The following SLC11A1 variants were observed in gnomAD, a reference collection of about 807,000 sequenced individuals.
SLC11A1 encodes natural resistance-associated macrophage protein 1.
A neutral mutation model predicts 63.2 loss-of-function variants in SLC11A1; 59 were observed. The ratio of observed to expected loss-of-function variants is 0.93; its 90% CI spans 0.76 to 1.16. The LOEUF is 1.16. Ranked by LOEUF, SLC11A1 falls within the 50% of genes most tolerant of loss-of-function variation. SLC11A1 has a pLI of 0.00. For missense variants in SLC11A1, 688 were observed against 730.7 expected, an observed-to-expected ratio of 0.94 and a Z score of 0.67; for synonymous variants, 305 against 307.8, an observed-to-expected ratio of 0.99 and a Z score of 0.09.
Position 218,387,886 on chromosome 2 carries a change from G to A in SLC11A1, c.726G>A (p.Leu242=), listed in dbSNP as rs1696196860. The change falls in exon 8 of 15, where the codon CTG becomes CTA. Residue 242 remains leucine, a synonymous_variant. Coordinates refer to ENST00000233202, the MANE Select transcript of SLC11A1 (RefSeq NM_000578.4). ...SCPGCGHPEL[L]QAVGIVGAII... ...CGGGCTGCGGCCACCCCGAGCTGCTGCAGGCGGTGGGCATTGTTGGCGCCA... is the reference window on the plus strand; with the variant it reads ...CGGGCTGCGGCCACCCCGAGCTGCTACAGGCGGTGGGCATTGTTGGCGCCA... The A allele has an allele frequency of 1.2e-6, 2 of 1,604,576 alleles. No homozygotes were observed. The highest frequency in any genetic ancestry group is 1.3e-5 in the African/African-American group (1 of 74,832).
At position 218,382,329 on chromosome 2, in the gene SLC11A1, C is replaced by G; in HGVS notation, c.-40C>G. On this transcript the variant is annotated 5_prime_UTR_variant, in exon 1 of 15. Transcript: ENST00000233202. ...GTGCAGGCTGAGGAGCTGCCCAGAG[C>G]ACCGCTCACACTCCCAGAGTACCTG... is the stretch of plus-strand genomic sequence containing the variant. The G allele has an allele frequency of 1.2e-6, 2 of 1,611,686 alleles. No individual in the cohort carries two copies. The highest frequency in any genetic ancestry group is 1.7e-6 in the Non-Finnish European group (2 of 1,178,682).
At chr2:218,388,109 C>T in intron 8 of SLC11A1, 154 bp downstream of exon 8, 1 of 914,552 alleles carries the variant, frequency 1.1e-6, no homozygotes, top group Non-Finnish European at 1.6e-6. Flanking sequence ...ATGGCTCACG[C>T]CTGTAATCCC....
In SLC11A1 at chr2:218,396,023, A is replaced by G. The variant is rs1696737742; in HGVS notation, c.*988A>G. 6.6e-6 allele frequency: 1 copy of G among 152,328 alleles called. No homozygotes were observed. Among genetic ancestry groups the G allele is most frequent in the Non-Finnish European group, 1.5e-5 (1 of 68,062 alleles). The allele number at this position is 152,328 out of a possible 1,614,324, so 9.4% of individuals were successfully genotyped here. A position where few individuals can be genotyped will look rare whatever the true frequency, so the allele number is the denominator to read the frequency against. ...AAATTATTTGCTGTTTCCTCAGGGG[A>G]GCCGGCGGCCGCGACTCCCACGCCG... On this transcript the variant is annotated 3_prime_UTR_variant, in exon 15 of 15. Coordinates refer to ENST00000233202, the MANE Select transcript of SLC11A1 (RefSeq NM_000578.4).
intron 3 of SLC11A1, 82 bp from the exon 4 acceptor site, chr2:218,385,065 G>A (rs1157377152): frequency 1.3e-6 from 2 of 1,583,656 alleles, no homozygotes; most frequent in East Asian, 4.5e-5. Flanking sequence ...CGAGGAGTAT[G>A]CTTGGTTAGA....
At position 218,385,168 on chromosome 2, in the gene SLC11A1, G is replaced by A; in HGVS notation, c.295G>A (p.Ala99Thr). Reference protein sequence around the residue: ...GFKLLWVLLWATVLGLLCQRL... With the variant: ...GFKLLWVLLWTTVLGLLCQRL... Reference sequence around the variant, plus strand: ...ACAGCTTCTCTGGGTGCTGCTCTGGGCCACCGTGTTGGGCTTGCTCTGCCA... The same window carrying A: ...ACAGCTTCTCTGGGTGCTGCTCTGGACCACCGTGTTGGGCTTGCTCTGCCA... The change falls in exon 4 of 15, where the codon GCC (alanine) becomes ACC (threonine). Residue 99 changes from alanine (A) to threonine (T), a missense_variant. By Grantham distance (58) the Ala-to-Thr change is moderately conservative (BLOSUM62 0). Coordinates refer to ENST00000233202, the MANE Select transcript of SLC11A1 (RefSeq NM_000578.4). The A allele has an allele frequency of 6.2e-7, 1 of 1,613,858 alleles. No individual in the cohort carries two copies.
At chr2:218,394,587 G>A (rs752465095) in intron 13 of SLC11A1, 45 bp from the exon 14 acceptor site, 24 of 1,598,064 alleles carry the variant, frequency 1.5e-5, no homozygotes, top group Non-Finnish European at 1.5e-5. Flanking sequence ...ATGCAGGTGG[G>A]CCAGCAGCAA....
At chr2:218,383,157 T>C in intron 2 of SLC11A1, 55 bp downstream of exon 2, 1 of 1,589,558 alleles carries the variant, frequency 6.3e-7, no homozygotes, top group East Asian at 2.2e-5. Context: ...TCCTGAAGGA[T>C]CCCATGGGCT....
chr2:218,386,665 G>C lies in SLC11A1; in HGVS notation c.424G>C (p.Glu142Gln), dbSNP rs530669474. 3 of 1,613,792 alleles carry C rather than the reference G, an allele frequency of 1.9e-6. No homozygotes were observed. The highest frequency in any genetic ancestry group is 8.5e-7 in the Non-Finnish European group (1 of 1,179,960). The change falls in exon 5 of 15, where the codon GAG (glutamate) becomes CAG (glutamine). Residue 142 changes from glutamate to glutamine, a missense_variant. Physicochemically the swap from Glu to Gln is conservative, Grantham distance 29 (BLOSUM62 2). Transcript: ENST00000233202. ...VPRTVLWLTIELAIVGSDMQE... is the reference protein window; with the variant it reads ...VPRTVLWLTIQLAIVGSDMQE... The stretch of plus-strand genomic sequence containing the variant: ...CCGCACCGTCCTCTGGCTGACCATC[G>C]AGCTAGCCATTGTGGGCTCCGACAT...
At chr2:218,392,858 G>A in intron 11 of SLC11A1, 123 bp from the exon 12 acceptor site, 5 of 754,482 alleles carry the variant, frequency 6.6e-6, no homozygotes, top group Non-Finnish European at 1.0e-5. Flanking sequence ...AGCTGTCCCA[G>A]TTCAACAGTG....
At chr2:218,393,200 T>G in intron 12 of SLC11A1, 70 bp downstream of exon 12, 1 of 1,398,652 alleles carries the variant, frequency 7.1e-7, no homozygotes, top group Non-Finnish European at 9.3e-7. Flanking sequence ...ACCCCCACGC[T>G]GAGCCTTGCA....
At chr2:218,394,898 C>T (rs1326472335) in intron 14 of SLC11A1, 27 bp from the exon 15 acceptor site, 1 of 1,608,298 alleles carries the variant, frequency 6.2e-7, no homozygotes, top group African/African-American at 1.3e-5. Flanking sequence ...TTGGCATCTC[C>T]CCAATTCATG....
chr2:218,391,079 T>G, intron 9 of SLC11A1, 119 bp from the exon 10 acceptor site: 1 of 783,200 alleles, frequency 1.3e-6, no homozygotes, highest in East Asian at 2.6e-5. Flanking sequence ...ACAAAATATG[T>G]CTGGCCAGAT....
rs1355203052 is a variant in SLC11A1, at chr2:218,395,587, C to G, written c.*552C>G. The G allele has an allele frequency of 1.3e-5, 2 of 152,590 alleles. No individual in the cohort carries two copies. Among genetic ancestry groups the G allele is most frequent in the Non-Finnish European group, 2.9e-5 (2 of 68,306 alleles). The allele number at this position is 152,590 out of a possible 1,614,324, so 9.5% of individuals were successfully genotyped here. A position where few individuals can be genotyped will look rare whatever the true frequency, so the allele number is the denominator to read the frequency against. On this transcript the variant is annotated 3_prime_UTR_variant, in exon 15 of 15. Transcript: ENST00000233202. Reference sequence around the variant, plus strand: ...GTTCAAGCGATTCTCTTTATTCAGCCCCGGGAGTGGCGCGCGCCACCACGC... The same window carrying G: ...GTTCAAGCGATTCTCTTTATTCAGCGCCGGGAGTGGCGCGCGCCACCACGC...
chr2:218,396,105 A>G lies in SLC11A1; in HGVS notation c.*1070A>G, dbSNP rs1280640120. On this transcript the variant is annotated 3_prime_UTR_variant, in exon 15 of 15. Coordinates refer to ENST00000233202, the MANE Select transcript of SLC11A1 (RefSeq NM_000578.4). ...CCCCCTAGGGGCAGAGACGGTCCCG[A>G]CGCCCGCCATCCCGCCCCGGCCTCA... is the stretch of plus-strand genomic sequence containing the variant. 6.6e-6 allele frequency: 1 copy of G among 152,084 alleles called. No individual in the cohort carries two copies. The highest frequency in any genetic ancestry group is 6.6e-5 in the Admixed American group (1 of 15,262). The allele number at this position is 152,084 out of a possible 1,614,324, so 9.4% of individuals were successfully genotyped here.
At chr2:218,391,713 C>A (rs922194921) in intron 11 of SLC11A1, 10 of 520,520 alleles carry the variant, frequency 1.9e-5, no homozygotes, top group African/African-American at 1.7e-4. Context: ...CAACCTCCCC[C>A]TCCCAGGTTC....
chr2:218,386,802 C>G (rs938949364), intron 5 of SLC11A1, 61 bp downstream of exon 5: 2 of 1,242,924 alleles, frequency 1.6e-6, no homozygotes, highest in Non-Finnish European at 2.3e-6. Context: ...TGCTACTTCC[C>G]CCCCTAACCA....
rs952336989 is a variant in SLC11A1 at position 218,384,972 on chromosome 2, C to G, written c.274-175C>G. The stretch of plus-strand genomic sequence containing the variant: ...TCCTGGACTCAAGCAATCCTCCCAC[C>G]TTAGCCTTTTAAAGTGCTGGGATTA... On this transcript the variant is annotated intron_variant, in intron 3 of 14. Coordinates refer to ENST00000233202, the MANE Select transcript of SLC11A1 (RefSeq NM_000578.4). The surrounding 1 kb of genome is among the most constrained non-coding windows in gnomAD (Gnocchi z 4.0). The G allele has an allele frequency of 1.4e-6, 1 of 733,124 alleles. No individual in the cohort carries two copies. 45.4% of individuals were successfully genotyped at this position (733,124 alleles called of 1,614,324 possible). A position where few individuals can be genotyped will look rare whatever the true frequency, so the allele number is the denominator to read the frequency against.
At chr2:218,383,819 C>G (rs1695929160) in intron 2 of SLC11A1, 1 of 154,460 alleles carries the variant, frequency 6.5e-6, no homozygotes, top group South Asian at 2.0e-4. Context: ...ATATGCCATG[C>G]TCTGGAACAG....
rs370095260 is a variant in SLC11A1 at position 218,385,207 on chromosome 2, C to T, written c.334C>T (p.Arg112Cys). Reference protein sequence around the residue: ...LGLLCQRLAARLGVVTGKDLG... With the variant: ...LGLLCQRLAACLGVVTGKDLG... ...CTTGCTCTGCCAGCGACTGGCTGCACGTCTGGGCGTGGTGACAGGCAAGGA... is the reference window on the plus strand; with the variant it reads ...CTTGCTCTGCCAGCGACTGGCTGCATGTCTGGGCGTGGTGACAGGCAAGGA... Residue 112 changes from arginine (R) to cysteine (C), a missense_variant, in exon 4 of 15, where the codon CGT (arginine) becomes TGT (cysteine). Physicochemically the swap from Arg to Cys is radical, Grantham distance 180. Transcript: ENST00000233202. 3.7e-5 allele frequency: 60 copies of T among 1,613,912 alleles called. No homozygotes were observed. The highest frequency in any genetic ancestry group is 4.4e-5 in the Non-Finnish European group (52 of 1,179,940).
Sources: gnomAD v4.1 joint callset for allele counts on GRCh38, gnomAD v4.1.1 for gene constraint, Gnocchi (gnomAD v3.1) non-coding constraint, MANE v1.5 for transcripts, NCBI Gene and HGNC (gene_info 2026-07-23, HGNC 2026-07-21) for gene names.